PKD1L1: variants seen among roughly 807,000 people sequenced by gnomAD.
PKD1L1 encodes polycystin 1 like 1, transient receptor potential channel interacting, also known as polycystin-1-like protein 1.
Under a neutral mutation model 323.4 loss-of-function variants are expected in PKD1L1, and 236 were observed. That is an observed-to-expected ratio of 0.73 (90% confidence interval 0.66 to 0.81). PKD1L1 has a LOEUF of 0.81. Among genes scored for constraint, PKD1L1 ranks in the 40% least tolerant of loss-of-function variants. The probability of loss-of-function intolerance (pLI) is 0.00; values close to 1 mark genes in which losing one functional copy is unlikely to be tolerated. For synonymous variants in PKD1L1, 1,344 were observed against 1,335.0 expected, an observed-to-expected ratio of 1.01 and a Z score of -0.15; for missense variants, 3,320 against 3,508.0, an observed-to-expected ratio of 0.95 and a Z score of 1.35.
At chr7:47,917,475 C>T (rs1489003928) in intron 7 of PKD1L1, among the ~76,000 whole-genome samples, 1 of 152,104 alleles carries the variant, frequency 6.6e-6, no homozygotes, top group Non-Finnish European at 1.5e-5. Flanking sequence ...ACAAGAAGCA[C>T]AAAGAATAGC....
chr7:47,894,453 C>A (rs1786893173), intron 14 of PKD1L1, among the ~76,000 whole-genome samples: 1 of 152,222 alleles, frequency 6.6e-6, no homozygotes, highest in Admixed American at 6.5e-5. Flanking sequence ...AACCCCCAAA[C>A]ATATCATGGA....
At chr7:47,853,607 G>C (rs897468260) in intron 30 of PKD1L1, among the ~76,000 whole-genome samples, 5 of 152,000 alleles carry the variant, frequency 3.3e-5, no homozygotes, top group African/African-American at 9.7e-5. Flanking sequence ...GCTGGGCGTG[G>C]TGATGCGCAC....
chr7:47,960,095 T>C, the PKD1L1 span, among the ~76,000 whole-genome samples: 2 of 151,686 alleles, frequency 1.3e-5, no homozygotes, highest in Non-Finnish European at 2.9e-5. Context: ...CTCTGAAACA[T>C]GTGCTGTGTC....
At chr7:47,791,687 T>C (rs1562931317) in intron 56 of PKD1L1, among the ~76,000 whole-genome samples, 1 of 152,194 alleles carries the variant, frequency 6.6e-6, no homozygotes, top group Non-Finnish European at 1.5e-5. Flanking sequence ...TCATAAACGG[T>C]GTTCTTCCCT....
At position 47,929,517 on chromosome 7, in the gene PKD1L1, G is replaced by C. The variant is rs1435023316; in HGVS notation, c.747C>G (p.Gly249=). Residue 249 remains glycine (G), a synonymous_variant, in exon 7 of 57, where the codon GGC becomes GGG. Transcript: ENST00000289672. The part of the protein sequence containing the change: ...HFPTSPRSSH[G]LPPGIPRTPS... ...GGGTGCGAGGAATGCCAGGCGGAAGGCCGTGGGAGCTGTGGGAGAGAGGGA... is the reference window on the plus strand; with the variant it reads ...GGGTGCGAGGAATGCCAGGCGGAAGCCCGTGGGAGCTGTGGGAGAGAGGGA... 3 of 1,612,540 alleles carry C rather than the reference G, an allele frequency of 1.9e-6. No individual in the cohort carries two copies. The highest frequency in any genetic ancestry group is 1.1e-5 in the South Asian group (1 of 90,884).
chr7:47,787,677 G>C (rs988232382), intron 56 of PKD1L1, among the ~76,000 whole-genome samples: 19 of 152,168 alleles, frequency 1.2e-4, no homozygotes, highest in African/African-American at 4.6e-4. Context: ...GGAAAGAGAT[G>C]AGCCATACGC....
chr7:47,851,056 A>G (rs1206079416), intron 31 of PKD1L1, among the ~76,000 whole-genome samples: 16 of 152,186 alleles, frequency 1.1e-4, no homozygotes, highest in Admixed American at 7.9e-4. Context: ...TTGGATTTGA[A>G]TTAAGGCATT....
At position 47,815,201 on chromosome 7, in the gene PKD1L1, G is replaced by A. The variant is rs1007938820; in HGVS notation, c.7089+133C>T. 3.3e-6 allele frequency: 4 copies of A among 1,207,364 alleles called. No homozygotes were observed. In the African/African-American group the frequency reaches 6.1e-5, roughly 19 times the overall value. The allele number at this position is 1,207,364 out of a possible 1,614,324, so 74.8% of individuals were successfully genotyped here. Reference sequence around the variant, plus strand: ...ATGCTCTGCTGGGACCCACTGGAGAGCCACCGGCCTTACACCTGCATGGTC... The same window carrying A: ...ATGCTCTGCTGGGACCCACTGGAGAACCACCGGCCTTACACCTGCATGGTC... On this transcript the variant is annotated intron_variant, in intron 47 of 56. Transcript: ENST00000289672.
At chr7:47,927,861 T>C (rs1787684846) in intron 7 of PKD1L1, among the ~76,000 whole-genome samples, 1 of 152,232 alleles carries the variant, frequency 6.6e-6, no homozygotes, top group Non-Finnish European at 1.5e-5. Flanking sequence ...TTAAATGACA[T>C]ACACATGTAA....
chr7:47,861,880 C>CAAAAAAAA (rs60918464), intron 26 of PKD1L1, among the ~76,000 whole-genome samples: 1 of 43,900 alleles, frequency 2.3e-5, no homozygotes, highest in Non-Finnish European at 3.7e-5. Context: ...GACTCTGTCT[C>CAAAAAAAA]AAAAAAAAAA....
intron 54 of PKD1L1, 137 bp downstream of exon 54, chr7:47,800,512 G>T: frequency 1.1e-6 from 1 of 870,816 alleles, no homozygotes; most frequent in Non-Finnish European, 1.8e-6. Flanking sequence ...GGGCAGGTGA[G>T]CTGGACGGCA....
In PKD1L1 at chr7:47,831,113, T is replaced by C. The variant is rs956600588; in HGVS notation, c.6473+104A>G. 11 of 1,386,632 alleles carry C rather than the reference T, an allele frequency of 7.9e-6. No homozygotes were observed. The African/African-American group carries it at 1.6e-4, about 20-fold the overall frequency. 85.9% of individuals were successfully genotyped at this position (1,386,632 alleles called of 1,614,324 possible). A position where few individuals can be genotyped will look rare whatever the true frequency, so the allele number is the denominator to read the frequency against. ...GGGAGAAAATAGCAATAGTGACATC[T>C]GGAGCCTGCATCTGATGAGTTCCCA... On this transcript the variant is annotated intron_variant, in intron 42 of 56. Coordinates refer to ENST00000289672, the MANE Select transcript of PKD1L1 (RefSeq NM_138295.5).
intron 13 of PKD1L1, among the ~76,000 whole-genome samples, chr7:47,901,636 T>C (rs73109231): frequency 1.4e-3 from 214 of 152,310 alleles, no homozygotes; most frequent in Middle Eastern, 3.4e-3. Context: ...GGTCTAAAGG[T>C]GGGCAGGGGT....
chr7:47,829,564 C>A lies in PKD1L1; in HGVS notation c.6596G>T (p.Arg2199Ile). Reference protein sequence around the residue: ...LMALGFAWKRRADNHFFTESL... With the variant: ...LMALGFAWKRIADNHFFTESL... Reference sequence around the variant, plus strand: ...CTCAGTAAAAAAGTGGTTGTCAGCTCTTCTTTTCCAAGCAAAACCCAAGGC... The same window carrying A: ...CTCAGTAAAAAAGTGGTTGTCAGCTATTCTTTTCCAAGCAAAACCCAAGGC... Residue 2199 changes from arginine to isoleucine, a missense_variant, in exon 44 of 57, where the codon AGA (arginine) becomes ATA (isoleucine). Physicochemically the swap from Arg to Ile is moderately conservative, Grantham distance 97 (BLOSUM62 -3). Transcript: ENST00000289672. The A allele has an allele frequency of 3.1e-6, 5 of 1,612,962 alleles. No individual in the cohort carries two copies. The highest frequency in any genetic ancestry group is 3.4e-6 in the Non-Finnish European group (4 of 1,179,674).
chr7:47,907,616 G>A (rs1023882959), intron 9 of PKD1L1, among the ~76,000 whole-genome samples: 1 of 152,122 alleles, frequency 6.6e-6, no homozygotes, highest in Non-Finnish European at 1.5e-5. Flanking sequence ...AGTGAGCACC[G>A]GATGCTTTCT....
intron 15 of PKD1L1, 82 bp from the exon 16 acceptor site, chr7:47,890,845 C>A: frequency 7.8e-7 from 1 of 1,275,898 alleles, no homozygotes; most frequent in East Asian, 2.4e-5. Context: ...CGGGTTTTCC[C>A]CAGGTGAGGG....
chr7:47,857,068 G>A (rs1785921272), intron 28 of PKD1L1, among the ~76,000 whole-genome samples: 1 of 152,156 alleles, frequency 6.6e-6, no homozygotes, highest in Admixed American at 6.5e-5. Flanking sequence ...TTTCACTGTG[G>A]TCCCCTGTTC....
chr7:47,958,163 C>G, the PKD1L1 span, among the ~76,000 whole-genome samples: 1 of 152,022 alleles, frequency 6.6e-6, no homozygotes, highest in African/African-American at 2.4e-5. Flanking sequence ...AAGAACAAAG[C>G]TGGAGGCATC....
intron 16 of PKD1L1, 146 bp downstream of exon 16, chr7:47,890,396 T>TCTTCTCCTC: frequency 1.3e-6 from 1 of 787,402 alleles, no homozygotes; most frequent in South Asian, 1.7e-5. Flanking sequence ...TTCTGAACAG[T>TCTTCTCCTC]CTTCTCCTCC....
Sources: allele counts gnomAD v4.1 joint callset (sites outside exome capture counted in the v4.1 genomes callset), GRCh38; gene constraint gnomAD v4.1.1; transcripts MANE v1.5; gene names NCBI Gene and HGNC (gene_info 2026-07-23, HGNC 2026-07-21).